Variants in NRIP1 observed in about 807,000 individuals in gnomAD.
NRIP1 encodes the protein nuclear receptor-interacting protein 1.
In NRIP1, 28 loss-of-function variants were observed where a neutral mutation model predicts 75.0. That is an observed-to-expected ratio of 0.37 (90% CI 0.28 to 0.51). NRIP1 has a LOEUF of 0.51. Ranked by LOEUF, NRIP1 falls within the 20% of genes least tolerant of loss-of-function variation. NRIP1 has a pLI of 0.92. For synonymous variants in NRIP1, 526 were observed against 487.6 expected (o/e 1.08, Z -1.04); for missense variants, 1,435 against 1,343.7 (o/e 1.07, Z -1.06).
intron 3 of NRIP1, among the ~76,000 whole-genome samples, chr21:14,971,744 T>C (rs1331577736): frequency 6.6e-6 from 1 of 152,218 alleles, no homozygotes; most frequent in African/African-American, 2.4e-5. Flanking sequence ...ATGAAAACTA[T>C]AAAACAAACA....
chr21:15,035,598 C>T (rs2088814254), intron 2 of NRIP1, among the ~76,000 whole-genome samples: 1 of 150,296 alleles, frequency 6.7e-6, no homozygotes, highest in Non-Finnish European at 1.5e-5. Context: ...GCTCTGTTGC[C>T]CAGGCTGGAG....
rs201727153 is a variant in NRIP1 at position 14,961,305 on chromosome 21, CAAA to C, written c.*3408_*3410del. The C allele has an allele frequency of 7.2e-5, 11 of 152,140 alleles. No individual in the cohort carries two copies. Among genetic ancestry groups the C allele is most frequent in the Admixed American group, 7.2e-4 (11 of 15,218 alleles). The allele number at this position is 152,140 out of a possible 1,614,324, so 9.4% of individuals were successfully genotyped here. ...AACACTAAAAGATTAAAAAACAAAA[CAAA>C]AAAATTCACACTGCAGTATGTACAG... On this transcript the variant is annotated 3_prime_UTR_variant, in exon 4 of 4. Transcript: ENST00000318948.
intron 3 of NRIP1, among the ~76,000 whole-genome samples, chr21:15,008,969 C>G (rs1233832809): frequency 1.3e-5 from 2 of 152,130 alleles, no homozygotes; most frequent in East Asian, 1.9e-4. Context: ...TGATAAACAT[C>G]AGTTGATATG....
intron 2 of NRIP1, among the ~76,000 whole-genome samples, chr21:15,022,457 G>C (rs1244079699): frequency 2.0e-5 from 3 of 152,078 alleles, no homozygotes; most frequent in African/African-American, 7.2e-5. Flanking sequence ...TCTAAGTGAT[G>C]GGTTGATCTA....
At chr21:14,990,041 A>C (rs773328032) in intron 3 of NRIP1, among the ~76,000 whole-genome samples, 5 of 152,178 alleles carry the variant, frequency 3.3e-5, no homozygotes, top group Non-Finnish European at 7.3e-5. Context: ...AAATATGACA[A>C]TAAATCTAGA....
At chr21:15,003,225 T>A (rs2087888795) in intron 3 of NRIP1, among the ~76,000 whole-genome samples, 1 of 152,176 alleles carries the variant, frequency 6.6e-6, no homozygotes, top group African/African-American at 2.4e-5. Flanking sequence ...TGAAAAGTAT[T>A]GATAGTTAAG....
intron 1 of NRIP1, among the ~76,000 whole-genome samples, chr21:15,048,423 G>A (rs1208656022): frequency 1.3e-5 from 2 of 152,176 alleles, no homozygotes; most frequent in Non-Finnish European, 1.5e-5. Flanking sequence ...TCACCTAAGT[G>A]TATAAGTCAA....
chr21:15,045,361 C>G (rs1244493898), intron 1 of NRIP1, among the ~76,000 whole-genome samples: 1 of 152,184 alleles, frequency 6.6e-6, no homozygotes, highest in Non-Finnish European at 1.5e-5. Context: ...GCAAGTCACA[C>G]AAGTTTTTTG....
chr21:15,016,610 C>T (rs964810053), intron 2 of NRIP1, among the ~76,000 whole-genome samples: 4 of 152,064 alleles, frequency 2.6e-5, no homozygotes, highest in African/African-American at 4.8e-5. Context: ...GCTGGCCGGG[C>T]GCAGTGGCTC....
At chr21:14,993,640 C>G (rs965187255) in intron 3 of NRIP1, among the ~76,000 whole-genome samples, 1 of 151,860 alleles carries the variant, frequency 6.6e-6, no homozygotes, top group East Asian at 1.9e-4. Context: ...AAAAAAATAG[C>G]TGGGTGTGGT....
At chr21:14,996,492 G>A (rs1460568815) in intron 3 of NRIP1, among the ~76,000 whole-genome samples, 3 of 152,106 alleles carry the variant, frequency 2.0e-5, no homozygotes, top group East Asian at 1.9e-4. Context: ...GCTAAGATAC[G>A]TCTTTCCCAA....
chr21:15,065,557 C>G (rs189131585), upstream of NRIP1, among the ~76,000 whole-genome samples: 731 of 152,284 alleles, frequency 4.8e-3, 4 homozygotes, highest in Middle Eastern at 0.037. Context: ...TCTGGGCCCC[C>G]TTTCACCCAC....
intron 2 of NRIP1, among the ~76,000 whole-genome samples, chr21:15,040,222 AT>A (rs1009309999): frequency 6.6e-6 from 1 of 152,096 alleles, no homozygotes; most frequent in African/African-American, 2.4e-5. Context: ...TCAATGCAAA[AT>A]ATCTCATAAT....
rs532661839 is a variant in NRIP1 at position 15,006,455 on chromosome 21, T to C, written c.-335+7889A>G. ...ATAGTCCTGGCTTTCAAGAAATAAA[T>C]AGTCTGGTGGAACAAACAGCTGTAA... On this transcript the variant is annotated intron_variant, in intron 3 of 3. Transcript: ENST00000318948. Among the ~76,000 whole-genome samples the C allele has an allele frequency of 6.6e-5, 10 of 152,268 alleles. No homozygotes were observed. In the South Asian group the frequency reaches 2.1e-3, roughly 32 times the overall value.
chr21:15,008,657 A>G (rs1419362309), intron 3 of NRIP1, among the ~76,000 whole-genome samples: 1 of 152,200 alleles, frequency 6.6e-6, no homozygotes, highest in Non-Finnish European at 1.5e-5. Flanking sequence ...TTATTAGTCT[A>G]CAAACACAAA....
intron 2 of NRIP1, among the ~76,000 whole-genome samples, chr21:15,027,731 A>G (rs985277672): frequency 6.6e-6 from 1 of 152,214 alleles, no homozygotes; most frequent in Middle Eastern, 3.2e-3. Flanking sequence ...GGTAAACTGG[A>G]GTAATTCAAT....
chr21:15,046,293 A>C (rs1359237742), intron 1 of NRIP1, among the ~76,000 whole-genome samples: 2 of 152,242 alleles, frequency 1.3e-5, no homozygotes, highest in Non-Finnish European at 2.9e-5. Flanking sequence ...TAGATGTTGT[A>C]TTAGCAGCCA....
At chr21:14,975,643 AAG>A (rs1568949895) in intron 3 of NRIP1, among the ~76,000 whole-genome samples, 1 of 139,050 alleles carries the variant, frequency 7.2e-6, no homozygotes, top group Non-Finnish European at 1.5e-5. Context: ...AAAAAAAAAA[AAG>A]GAAGGAAGGA....
At chr21:14,973,861 T>TG (rs1555880702) in intron 3 of NRIP1, among the ~76,000 whole-genome samples, 1 of 150,058 alleles carries the variant, frequency 6.7e-6, no homozygotes, top group African/African-American at 2.5e-5. Context: ...TTTTTTTTTT[T>TG]CCTGTGGAGA....
Sources: gnomAD v4.1 joint callset for allele counts (sites outside exome capture counted in the v4.1 genomes callset) on GRCh38, gnomAD v4.1.1 for gene constraint, MANE v1.5 for transcripts, NCBI Gene and HGNC (gene_info 2026-07-23, HGNC 2026-07-21) for gene names.